The following TTC39C variants were observed in gnomAD, a reference collection of about 807,000 sequenced individuals.
TTC39C encodes tetratricopeptide repeat domain 39C, also known as tetratricopeptide repeat protein 39C.
TTC39C carries 33 observed loss-of-function variants against 76.3 expected under a neutral mutation model. That is an observed-to-expected ratio of 0.43 (90% confidence interval 0.33 to 0.58). The LOEUF (loss-of-function observed/expected upper bound fraction) is 0.58. Ranked by LOEUF, TTC39C falls within the 20% of genes least tolerant of loss-of-function variation. TTC39C has a pLI of 0.04. For synonymous variants in TTC39C, 254 were observed against 260.6 expected, an observed-to-expected ratio of 0.97 and a Z score of 0.24; for missense variants, 595 against 701.4, an observed-to-expected ratio of 0.85 and a Z score of 1.71.
intron 1 of TTC39C, among the ~76,000 whole-genome samples, chr18:24,043,887 G>A (rs946012128): frequency 6.6e-6 from 1 of 152,216 alleles, no homozygotes; most frequent in African/African-American, 2.4e-5. Flanking sequence ...TCTGCAAAGG[G>A]TTTCTCTAAT....
chr18:24,109,763 G>A (rs2084788672), intron 6 of TTC39C, among the ~76,000 whole-genome samples: 1 of 152,122 alleles, frequency 6.6e-6, no homozygotes, highest in Admixed American at 6.5e-5. Context: ...CCAGCACTTT[G>A]GGAGGCTGAG....
At chr18:24,132,282 C>T (rs1271263766) in intron 13 of TTC39C, among the ~76,000 whole-genome samples, 1 of 152,094 alleles carries the variant, frequency 6.6e-6, no homozygotes, top group Non-Finnish European at 1.5e-5. Flanking sequence ...CAAAGAGAAC[C>T]TTATTGACAT....
intron 4 of TTC39C, among the ~76,000 whole-genome samples, chr18:24,072,718 T>C (rs1010334313): frequency 6.6e-6 from 1 of 152,276 alleles, no homozygotes; most frequent in Admixed American, 6.5e-5. Flanking sequence ...ATTATCCAAG[T>C]GTCTTTTATT....
At position 24,001,865 on chromosome 18, in the gene TTC39C, G is replaced by A. The variant is rs1240394309; in HGVS notation, c.-17+8827G>A. Among the ~76,000 whole-genome samples the A allele has an allele frequency of 1.0e-3, 130 of 130,290 alleles. 1 individual carries two copies. The highest frequency in any genetic ancestry group is 5.0e-3 in the Admixed American group (51 of 10,148). 85.5% of individuals were successfully genotyped at this position (130,290 alleles called of 152,430 possible). A position where few individuals can be genotyped will look rare whatever the true frequency, so the allele number is the denominator to read the frequency against. Reference sequence around the variant, plus strand: ...TTTTGAGACGGAGTCTCGCTCTGTGGCCCAGGCGGGAGTGCAGTGGCGCAA... The same window carrying A: ...TTTTGAGACGGAGTCTCGCTCTGTGACCCAGGCGGGAGTGCAGTGGCGCAA... On this transcript the variant is annotated intron_variant, in intron 1 of 13. Transcript: ENST00000304621.
At chr18:24,069,681 A>G (rs2084213119) in intron 4 of TTC39C, among the ~76,000 whole-genome samples, 1 of 152,202 alleles carries the variant, frequency 6.6e-6, no homozygotes, top group Admixed American at 6.5e-5. Flanking sequence ...GTATATTAGG[A>G]GATCGTTAAA....
intron 1 of TTC39C, among the ~76,000 whole-genome samples, chr18:24,023,812 T>TG (rs1391938768): frequency 1.6e-4 from 2 of 12,230 alleles, no homozygotes; most frequent in African/African-American, 2.0e-4. Flanking sequence ...CCCCTTTTGC[T>TG]AACAATTCCC....
rs2085166057 is a variant in TTC39C, at chr18:24,134,003, A to C, written c.*1429A>C. ...TTGACCTTGTTTTGAGGGAATAGTC[A>C]TAATTTCTTTGAAAGAAGTTATTTC... On this transcript the variant is annotated 3_prime_UTR_variant, in exon 14 of 14. Coordinates refer to ENST00000317571, the MANE Select transcript of TTC39C (RefSeq NM_001135993.2). 6.5e-6 allele frequency: 1 copy of C among 153,464 alleles called. No individual in the cohort carries two copies. The highest frequency in any genetic ancestry group is 2.1e-4 in the South Asian group (1 of 4,858). 9.5% of individuals were successfully genotyped at this position (153,464 alleles called of 1,614,324 possible). A position where few individuals can be genotyped will look rare whatever the true frequency, so the allele number is the denominator to read the frequency against.
At chr18:24,088,603 G>A (rs1000086494) in intron 6 of TTC39C, among the ~76,000 whole-genome samples, 2 of 152,168 alleles carry the variant, frequency 1.3e-5, no homozygotes, top group African/African-American at 4.8e-5. Context: ...TTTTTCAGAA[G>A]AGACACAGCC....
intron 4 of TTC39C, among the ~76,000 whole-genome samples, chr18:24,077,639 C>G (rs1396487735): frequency 6.6e-6 from 1 of 152,158 alleles, no homozygotes; most frequent in East Asian, 1.9e-4. Flanking sequence ...CAGTGCCAGG[C>G]ACATAATAGA....
At chr18:24,042,961 C>T (rs1628725) in intron 1 of TTC39C, among the ~76,000 whole-genome samples, 3 of 152,084 alleles carry the variant, frequency 2.0e-5, no homozygotes, top group Admixed American at 6.6e-5. Flanking sequence ...ATAAAAATGT[C>T]TGTGTTCAGT....
At chr18:24,063,441 G>A (rs1393520490) in intron 1 of TTC39C, among the ~76,000 whole-genome samples, 1 of 151,564 alleles carries the variant, frequency 6.6e-6, no homozygotes, top group Non-Finnish European at 1.5e-5. Flanking sequence ...GGTAACTGTA[G>A]AAGATTATTT....
intron 1 of TTC39C, among the ~76,000 whole-genome samples, chr18:24,059,650 A>G (rs1459497939): frequency 6.6e-6 from 1 of 152,170 alleles, no homozygotes. Flanking sequence ...TGTCTTTGCT[A>G]TTGTGAATAG....
chr18:24,068,883 G>A (rs2084202759), intron 3 of TTC39C, among the ~76,000 whole-genome samples: 1 of 152,154 alleles, frequency 6.6e-6, no homozygotes, highest in African/African-American at 2.4e-5. Flanking sequence ...GAAACTCCGA[G>A]GTTTTTTGTT....
chr18:24,132,032 C>A (rs1159163210), intron 13 of TTC39C, 112 bp downstream of exon 13: 9 of 1,039,288 alleles, frequency 8.7e-6, no homozygotes, highest in African/African-American at 1.6e-5. Context: ...GGTAATATTT[C>A]TGGAAAGGAA....
chr18:24,039,997 A>C (rs2083772745), intron 1 of TTC39C, among the ~76,000 whole-genome samples: 1 of 152,210 alleles, frequency 6.6e-6, no homozygotes, highest in Admixed American at 6.5e-5. Context: ...ATTTGTCATC[A>C]ACTGGGAAAT....
intron 1 of TTC39C, among the ~76,000 whole-genome samples, chr18:24,018,349 C>G (rs1035743166): frequency 6.6e-6 from 1 of 151,598 alleles, no homozygotes; most frequent in Non-Finnish European, 1.5e-5. Flanking sequence ...GTCTTAGTGC[C>G]CAGTGCTCTA....
chr18:24,072,579 G>A (rs1599297888), intron 4 of TTC39C, among the ~76,000 whole-genome samples: 1 of 152,178 alleles, frequency 6.6e-6, no homozygotes, highest in African/African-American at 2.4e-5. Flanking sequence ...TTGCAGGCAT[G>A]GGCCACCGTG....
chr18:24,024,586 T>G (rs2083574639), intron 1 of TTC39C, among the ~76,000 whole-genome samples: 1 of 152,058 alleles, frequency 6.6e-6, no homozygotes. Flanking sequence ...AAGTGTGACA[T>G]TTTTGCAGTG....
At chr18:24,102,985 C>T (rs952931701) in intron 6 of TTC39C, among the ~76,000 whole-genome samples, 2 of 152,034 alleles carry the variant, frequency 1.3e-5, no homozygotes, top group African/African-American at 4.8e-5. Context: ...GCACATAGTC[C>T]CACCTATTTG....
Sources: allele counts gnomAD v4.1 joint callset (sites outside exome capture counted in the v4.1 genomes callset), GRCh38; gene constraint gnomAD v4.1.1; transcripts MANE v1.5; gene names NCBI Gene and HGNC (gene_info 2026-07-23, HGNC 2026-07-21).